Variants in ING3 observed in about 807,000 individuals in gnomAD.
ING3 encodes the protein inhibitor of growth protein 3.
A neutral mutation model predicts 64.8 loss-of-function variants in ING3; 6 were observed. The observed-to-expected ratio is 0.09, with a 90% CI of 0.05 to 0.18. ING3 has a LOEUF of 0.18. ING3 is among the 10% of genes least tolerant of loss of function. The pLI is 1.00. For synonymous variants in ING3, 170 were observed against 173.7 expected (o/e 0.98, Z 0.17); for missense variants, 310 against 489.7 (o/e 0.63, Z 3.46).
At chr7:120,954,926 T>C (rs1282818022) in intron 3 of ING3, among the ~76,000 whole-genome samples, 2 of 152,192 alleles carry the variant, frequency 1.3e-5, no homozygotes, top group Non-Finnish European at 2.9e-5. Flanking sequence ...AAATGTACTT[T>C]ACAAGTTAGA....
At chr7:120,971,968 T>C (rs1237885756) in intron 10 of ING3, among the ~76,000 whole-genome samples, 1 of 152,144 alleles carries the variant, frequency 6.6e-6, no homozygotes, top group Admixed American at 6.5e-5. Context: ...TTATGATTGT[T>C]TTAAATACAC....
At chr7:120,957,847 C>T (rs1795873984) in intron 4 of ING3, among the ~76,000 whole-genome samples, 1 of 152,196 alleles carries the variant, frequency 6.6e-6, no homozygotes, top group African/African-American at 2.4e-5. Flanking sequence ...CTAGCTCAGC[C>T]ATTTCACTGA....
rs996708957 is a variant in ING3, at chr7:120,977,092, A to G, written c.*2248A>G. 6.6e-6 allele frequency: 1 copy of G among 152,218 alleles called. No individual in the cohort carries two copies. The highest frequency in any genetic ancestry group is 2.4e-5 in the African/African-American group (1 of 41,452). The allele number at this position is 152,218 out of a possible 1,614,324, so 9.4% of individuals were successfully genotyped here. ...AAAACTCATGTAACAGTTGGGACAA[A>G]ATATCCAAATGTGGGTTCACAGTTC... On this transcript the variant is annotated 3_prime_UTR_variant, in exon 12 of 12. Transcript: ENST00000315870.
At chr7:120,953,587 G>C (rs975091996) in intron 3 of ING3, among the ~76,000 whole-genome samples, 183 bp downstream of exon 3, 1 of 152,022 alleles carries the variant, frequency 6.6e-6, no homozygotes, top group Admixed American at 6.5e-5. Context: ...AAAGCGTTTT[G>C]GTAATTAAAA....
intron 4 of ING3, among the ~76,000 whole-genome samples, chr7:120,964,518 T>C (rs1795973739): frequency 1.3e-5 from 2 of 152,140 alleles, no homozygotes; most frequent in Admixed American, 1.3e-4. Flanking sequence ...AAGTTGAGAG[T>C]CTGGGTCTTA....
Position 120,967,628 on chromosome 7 carries a change from C to T in ING3, c.536C>T (p.Ala179Val). The stretch of plus-strand genomic sequence containing the variant: ...CTTCTATCCACCCTTACGTCAGATG[C>T]CTCTAAGGAAAATACACTAGGTAAG... ...EALLSTLTSD[A>V]SKENTLGCRN... The change falls in exon 7 of 12, where the codon GCC becomes GTC. Residue 179 changes from alanine (A) to valine (V), a missense_variant. Transcript: ENST00000315870. 1 of 1,596,288 alleles carries T rather than the reference C, an allele frequency of 6.3e-7. No homozygotes were observed.
chr7:120,953,530 A>G (rs1159863169), intron 3 of ING3, 126 bp downstream of exon 3: 1 of 599,640 alleles, frequency 1.7e-6, no homozygotes, highest in Non-Finnish European at 2.9e-6. Flanking sequence ...TTAGAATATA[A>G]ATAATTTATT....
chr7:120,952,450 T>C (rs1245940905), intron 2 of ING3, among the ~76,000 whole-genome samples: 2 of 152,228 alleles, frequency 1.3e-5, no homozygotes, highest in East Asian at 3.8e-4. Context: ...TTATATTTTA[T>C]TGTTTAAAAT....
intron 4 of ING3, among the ~76,000 whole-genome samples, chr7:120,963,951 T>C (rs1795966336): frequency 6.6e-6 from 1 of 152,128 alleles, no homozygotes; most frequent in African/African-American, 2.4e-5. Flanking sequence ...TGTGTATTTT[T>C]TGGTTTCACT....
In ING3 at chr7:120,970,862, A is replaced by G. The variant is rs1350593538; in HGVS notation, c.1083A>G (p.Arg361=). The change falls in exon 10 of 12, where the codon CGA becomes CGG. Residue 361 remains arginine, a synonymous_variant. Transcript: ENST00000315870. ...GGACTTACGACCCAAATGAACCTCG[A>G]TACTGCATTTGTAATCAGGTAAAAG... The part of the protein sequence containing the change: ...VDWTYDPNEP[R]YCICNQVSYG... 6.3e-7 allele frequency: 1 copy of G among 1,590,610 alleles called. No individual in the cohort carries two copies. Among genetic ancestry groups the G allele is most frequent in the Non-Finnish European group, 8.6e-7 (1 of 1,158,572 alleles).
At chr7:120,961,378 T>C (rs2116668778) in intron 4 of ING3, among the ~76,000 whole-genome samples, 1 of 152,302 alleles carries the variant, frequency 6.6e-6, no homozygotes, top group African/African-American at 2.4e-5. Context: ...AACTTACTGC[T>C]GTCTATTTCA....
At chr7:120,951,098 G>C (rs2116641832) in intron 1 of ING3, 66 bp from the exon 2 acceptor site, 3 of 1,572,558 alleles carry the variant, frequency 1.9e-6, no homozygotes, top group Non-Finnish European at 2.6e-6. Flanking sequence ...TGACGCACGC[G>C]CGCAGTGACG....
At position 120,960,019 on chromosome 7, in the gene ING3, G is replaced by A. The variant is rs1454127106; in HGVS notation, c.267+4395G>A. ...AGGAAATAAACATTGTAGAAAGAGAGGAAGGGGGAGAAAGGGAGAGACAAT... is the reference window on the plus strand; with the variant it reads ...AGGAAATAAACATTGTAGAAAGAGAAGAAGGGGGAGAAAGGGAGAGACAAT... On this transcript the variant is annotated intron_variant, in intron 4 of 11. Coordinates refer to ENST00000315870, the MANE Select transcript of ING3 (RefSeq NM_019071.3). Among the ~76,000 whole-genome samples the A allele has an allele frequency of 2.0e-5, 3 of 152,286 alleles. No homozygotes were observed. In the East Asian group the frequency reaches 5.8e-4, roughly 29 times the overall value.
At chr7:120,970,630 G>A (rs1178591286) in intron 9 of ING3, 58 bp from the exon 10 acceptor site, 3 of 1,536,326 alleles carry the variant, frequency 2.0e-6, no homozygotes, top group Non-Finnish European at 1.8e-6. Context: ...TTATTTAGGA[G>A]TTATTCTCAG....
intron 2 of ING3, among the ~76,000 whole-genome samples, chr7:120,952,789 A>G (rs929609827): frequency 1.3e-5 from 2 of 151,614 alleles, no homozygotes; most frequent in African/African-American, 4.8e-5. Flanking sequence ...ATCCAATGAG[A>G]TGATTAGTCT....
chr7:120,968,850 A>G (rs1796031499), intron 8 of ING3, among the ~76,000 whole-genome samples, 161 bp from the exon 9 acceptor site: 2 of 151,718 alleles, frequency 1.3e-5, no homozygotes, highest in Admixed American at 1.3e-4. Context: ...CACCTCAAAA[A>G]AAAAAAAAAA....
chr7:120,974,661 A>G (rs1584996753), intron 11 of ING3, 67 bp from the exon 12 acceptor site: 1 of 837,892 alleles, frequency 1.2e-6, no homozygotes, highest in East Asian at 2.5e-5. Context: ...TCTCCTGAGC[A>G]TATTTTAATA....
chr7:120,973,773 G>A (rs754920322), intron 11 of ING3, among the ~76,000 whole-genome samples: 1 of 152,136 alleles, frequency 6.6e-6, no homozygotes, highest in Admixed American at 6.5e-5. Context: ...TGGTTTTTAG[G>A]AGACTTAATT....
At chr7:120,951,419 T>C (rs1795763727) in intron 2 of ING3, among the ~76,000 whole-genome samples, 184 bp downstream of exon 2, 1 of 152,202 alleles carries the variant, frequency 6.6e-6, no homozygotes, top group Admixed American at 6.5e-5. Flanking sequence ...ATGCTACTTT[T>C]TTCTGGCTTT....
Sources: allele counts gnomAD v4.1 joint callset (sites outside exome capture counted in the v4.1 genomes callset), GRCh38; gene constraint gnomAD v4.1.1; transcripts MANE v1.5; gene names NCBI Gene and HGNC (gene_info 2026-07-23, HGNC 2026-07-21).